Variants in ZBTB46 observed in about 807,000 individuals in gnomAD.
ZBTB46 encodes the protein zinc finger and BTB domain containing 46, also known as zinc finger and BTB domain-containing protein 46.
In ZBTB46, 8 loss-of-function variants were observed where a neutral mutation model predicts 44.1. The observed-to-expected ratio is 0.18, with a 90% CI of 0.11 to 0.33. The LOEUF is 0.33. ZBTB46 is among the 10% of genes least tolerant of loss of function. The pLI, the probability that ZBTB46 is intolerant of heterozygous loss-of-function variation, is 1.00. For missense variants in ZBTB46, 651 were observed against 847.7 expected (o/e 0.77, Z 2.88); for synonymous variants, 409 against 382.3 (o/e 1.07, Z -0.81).
intron 1 of ZBTB46, among the ~76,000 whole-genome samples, chr20:63,808,470 CG>C (rs1233425838): frequency 6.6e-6 from 1 of 152,136 alleles, no homozygotes; most frequent in Non-Finnish European, 1.5e-5. Context: ...GTCTCAGCCC[CG>C]GGCCCGGCGG....
At chr20:63,811,930 G>GA (rs943606905) in intron 1 of ZBTB46, among the ~76,000 whole-genome samples, 1 of 151,848 alleles carries the variant, frequency 6.6e-6, no homozygotes, top group African/African-American at 2.4e-5. Flanking sequence ...ACTTGCCTGG[G>GA]AAAAAAAACT....
Position 63,767,127 on chromosome 20 carries a change from C to T in ZBTB46, c.1222+8551G>A, listed in dbSNP as rs554040907. The stretch of plus-strand genomic sequence containing the variant: ...AAAGCAGCACATTCCCGTAATTCCA[C>T]GCCGACACGTGGAGCGCCGCGCACA... On this transcript the variant is annotated intron_variant, in intron 3 of 4. Transcript: ENST00000245663. This position sits in a 1 kb window ranked among gnomAD's most constrained non-coding sequence, Gnocchi z 5.0. Among the ~76,000 whole-genome samples, 9 of 152,342 alleles carry T rather than the reference C, an allele frequency of 5.9e-5. No homozygotes were observed. The East Asian group carries it at 7.7e-4, about 13-fold the overall frequency.
chr20:63,816,856 G>A (rs1161910920), intron 1 of ZBTB46, among the ~76,000 whole-genome samples: 1 of 152,110 alleles, frequency 6.6e-6, no homozygotes, highest in Non-Finnish European at 1.5e-5. Context: ...TGTAATCCCA[G>A]CACTTTGGAA....
chr20:63,811,148 T>TG (rs1289343896), intron 1 of ZBTB46, among the ~76,000 whole-genome samples: 1 of 150,024 alleles, frequency 6.7e-6, no homozygotes, highest in East Asian at 2.0e-4. Flanking sequence ...GAGGCGAGTC[T>TG]GGGTCCCAGA....
At chr20:63,772,485 G>A (rs1420522868) in intron 3 of ZBTB46, among the ~76,000 whole-genome samples, 1 of 152,030 alleles carries the variant, frequency 6.6e-6, no homozygotes, top group Non-Finnish European at 1.5e-5. Context: ...TTGGGAGGCT[G>A]AGGCAGGCAG....
At chr20:63,820,340 C>A (rs1463705539) in intron 1 of ZBTB46, among the ~76,000 whole-genome samples, 1 of 152,016 alleles carries the variant, frequency 6.6e-6, no homozygotes, top group Non-Finnish European at 1.5e-5. Context: ...ACCTCATGAT[C>A]CGCCTGCCTC....
intron 1 of ZBTB46, among the ~76,000 whole-genome samples, chr20:63,819,144 G>A (rs1021879428): frequency 1.8e-4 from 28 of 152,234 alleles, no homozygotes; most frequent in Non-Finnish European, 3.5e-4. Flanking sequence ...CTGCACTCCA[G>A]CCTGGGCGAC....
At chr20:63,778,904 C>T (rs1191201820) in intron 2 of ZBTB46, among the ~76,000 whole-genome samples, 1 of 152,196 alleles carries the variant, frequency 6.6e-6, no homozygotes, top group African/African-American at 2.4e-5. Context: ...AAATTAGTTT[C>T]CTCACGCTCT....
In ZBTB46 at chr20:63,801,734, G is replaced by A. The variant is rs903560413; in HGVS notation, c.-33-10944C>T. Among the ~76,000 whole-genome samples the A allele has an allele frequency of 5.9e-5, 9 of 152,096 alleles. 1 individual carries two copies. Among genetic ancestry groups the A allele is most frequent in the South Asian group, 4.2e-4 (2 of 4,790 alleles). ...ATCAGAAGGAACAAACTCCAGACAC[G>A]CCGCCTTTAAGAACTGTAACACTCA... is the stretch of plus-strand genomic sequence containing the variant. On this transcript the variant is annotated intron_variant, in intron 1 of 4. Transcript: ENST00000245663.
rs150947563 is a variant in ZBTB46 at position 63,809,818 on chromosome 20, C to T, written c.-33-19028G>A. Among the ~76,000 whole-genome samples the T allele has an allele frequency of 4.1e-3, 621 of 152,068 alleles. 5 individuals are homozygous for T. Among genetic ancestry groups the T allele is most frequent in the African/African-American group, 0.014 (589 of 41,486 alleles). On this transcript the variant is annotated intron_variant, in intron 1 of 4. Transcript: ENST00000245663. ...CTCTACAAAAAATAGAAAAAATTAG[C>T]CGGGCATGGTGGTGCACACCTGTAG... is the stretch of plus-strand genomic sequence containing the variant.
chr20:63,826,162 T>C (rs1271858821), intron 1 of ZBTB46, among the ~76,000 whole-genome samples: 1 of 152,202 alleles, frequency 6.6e-6, no homozygotes, highest in African/African-American at 2.4e-5. Flanking sequence ...TTCTTCAGAG[T>C]GGTTGGAAGA....
chr20:63,814,558 G>A (rs927016736), intron 1 of ZBTB46, among the ~76,000 whole-genome samples: 15 of 152,252 alleles, frequency 9.9e-5, no homozygotes, highest in African/African-American at 3.4e-4. Context: ...CCTCTGCAGG[G>A]GGAGAGAACC....
At chr20:63,782,882 C>T (rs1452489894) in intron 2 of ZBTB46, among the ~76,000 whole-genome samples, 3 of 152,206 alleles carry the variant, frequency 2.0e-5, no homozygotes, top group South Asian at 4.1e-4. Flanking sequence ...GCGGGAGGAT[C>T]GCTAAGCCCA....
chr20:63,759,441 T>TCAC (rs951923127), intron 3 of ZBTB46, among the ~76,000 whole-genome samples: 8 of 152,010 alleles, frequency 5.3e-5, no homozygotes, highest in African/African-American at 1.7e-4. Context: ...CCCAGGCTGG[T>TCAC]CTTGAGCTCC....
At chr20:63,811,904 A>G (rs1411818784) in intron 1 of ZBTB46, among the ~76,000 whole-genome samples, 2 of 152,206 alleles carry the variant, frequency 1.3e-5, no homozygotes, top group Non-Finnish European at 2.9e-5. Flanking sequence ...TGGCTCATAC[A>G]TCGTTCAGAC....
chr20:63,823,501 A>AAAATAAAT (rs150001627), intron 1 of ZBTB46, among the ~76,000 whole-genome samples: 118 of 151,050 alleles, frequency 7.8e-4, no homozygotes, highest in African/African-American at 2.8e-3. Context: ...CTGTCTCAAA[A>AAAATAAAT]AAATAAATAA....
intron 3 of ZBTB46, among the ~76,000 whole-genome samples, chr20:63,765,067 GCA>G (rs2092308218): frequency 9.1e-6 from 1 of 109,778 alleles, no homozygotes; most frequent in Non-Finnish European, 1.9e-5. Context: ...GTTTGTATGT[GCA>G]TGTGTGCGTG....
rs986597767 is a variant in ZBTB46 at position 63,752,036 on chromosome 20, G to A, written c.1398+650C>T. The stretch of plus-strand genomic sequence containing the variant: ...CTCTCCTCACACAGCTGCCCGCCGC[G>A]AGCTCCCCCTGCACCCTGCGCCTCG... On this transcript the variant is annotated intron_variant, in intron 4 of 4. Transcript: ENST00000245663. This position sits in a 1 kb window ranked among gnomAD's most constrained non-coding sequence, Gnocchi z 5.6. Among the ~76,000 whole-genome samples, 20 of 151,888 alleles carry A rather than the reference G, an allele frequency of 1.3e-4. No individual in the cohort carries two copies. The highest frequency in any genetic ancestry group is 4.8e-4 in the African/African-American group (20 of 41,446).
rs1194792728 is a variant in ZBTB46, at chr20:63,745,960, A to G, written c.*970T>C. On this transcript the variant is annotated 3_prime_UTR_variant, in exon 5 of 5. Transcript: ENST00000245663. ...AAAATAATTTTATGTAACTACCTCGATATGTCTCTGACTACTTAAAAATTT... is the reference window on the plus strand; with the variant it reads ...AAAATAATTTTATGTAACTACCTCGGTATGTCTCTGACTACTTAAAAATTT... The G allele has an allele frequency of 6.5e-6, 1 of 152,718 alleles. No homozygotes were observed. Among genetic ancestry groups the G allele is most frequent in the Admixed American group, 6.5e-5 (1 of 15,288 alleles). The allele number at this position is 152,718 out of a possible 1,614,324, so 9.5% of individuals were successfully genotyped here.
Sources: gnomAD v4.1 joint callset for allele counts (sites outside exome capture counted in the v4.1 genomes callset) on GRCh38, gnomAD v4.1.1 for gene constraint, Gnocchi (gnomAD v3.1) non-coding constraint, MANE v1.5 for transcripts, NCBI Gene and HGNC (gene_info 2026-07-23, HGNC 2026-07-21) for gene names.